Variants in VRK2 observed in about 807,000 individuals in gnomAD.
VRK2 encodes the protein serine/threonine-protein kinase VRK2.
In VRK2, 60 loss-of-function variants were observed where a neutral mutation model predicts 57.6. That is an observed-to-expected ratio of 1.04 (90% CI 0.85 to 1.29). The LOEUF (loss-of-function observed/expected upper bound fraction) is 1.29, where lower values mean the gene tolerates loss of function less well. VRK2 is among the 50% of genes most tolerant of loss of function. The probability of loss-of-function intolerance (pLI) is 0.00; values close to 1 mark genes in which losing one functional copy is unlikely to be tolerated. For synonymous variants in VRK2, 231 were observed against 199.2 expected, an observed-to-expected ratio of 1.16 and a Z score of -1.35; for missense variants, 705 against 588.1, an observed-to-expected ratio of 1.20 and a Z score of -2.06.
At chr2:57,923,346 A>G (rs1422500279) in intron 1 of VRK2, among the ~76,000 whole-genome samples, 7 of 152,006 alleles carry the variant, frequency 4.6e-5, no homozygotes, top group Non-Finnish European at 8.8e-5. Context: ...ACTCCCACCA[A>G]TACTGTATGA....
At chr2:58,123,698 C>CA (rs1677869235) in intron 8 of VRK2, among the ~76,000 whole-genome samples, 1 of 151,752 alleles carries the variant, frequency 6.6e-6, no homozygotes, top group South Asian at 2.1e-4. Flanking sequence ...CCCATCTCTA[C>CA]AAAAAAATAC....
intron 1 of VRK2, among the ~76,000 whole-genome samples, chr2:58,005,076 G>A (rs917186683): frequency 1.3e-5 from 2 of 152,096 alleles, no homozygotes; most frequent in Admixed American, 6.5e-5. Flanking sequence ...GAAGAAAGAA[G>A]GCTTGCAATT....
At chr2:58,155,071 A>G (rs929990480) in intron 12 of VRK2, among the ~76,000 whole-genome samples, 3 of 152,080 alleles carry the variant, frequency 2.0e-5, no homozygotes, top group African/African-American at 7.2e-5. Flanking sequence ...TGAATGTTCC[A>G]GTTGCAGTTG....
intron 3 of VRK2, among the ~76,000 whole-genome samples, chr2:58,035,962 G>A (rs886744409): frequency 4.1e-4 from 63 of 152,126 alleles, no homozygotes; most frequent in African/African-American, 1.2e-3. Context: ...CAGAACTTCC[G>A]TTACTAGTTA....
At chr2:58,138,294 A>T (rs1680833336) in intron 10 of VRK2, among the ~76,000 whole-genome samples, 2 of 152,326 alleles carry the variant, frequency 1.3e-5, no homozygotes, top group African/African-American at 4.8e-5. Context: ...GGCTGCATGA[A>T]GCATCAGTTA....
intron 7 of VRK2, among the ~76,000 whole-genome samples, chr2:58,109,082 T>C (rs754452690): frequency 1.3e-5 from 2 of 152,210 alleles, no homozygotes; most frequent in Non-Finnish European, 2.9e-5. Flanking sequence ...CTGTTTATTA[T>C]GCTTGGCACT....
intron 7 of VRK2, among the ~76,000 whole-genome samples, chr2:58,095,293 C>CAAAAAAAA (rs1231159019): frequency 4.1e-4 from 27 of 66,648 alleles, no homozygotes; most frequent in African/African-American, 1.4e-3. Context: ...GACTCCGTCT[C>CAAAAAAAA]AAAAAAAAAA....
intron 1 of VRK2, among the ~76,000 whole-genome samples, chr2:57,950,614 G>T (rs187849450): frequency 1.4e-3 from 216 of 152,310 alleles, no homozygotes; most frequent in African/African-American, 5.0e-3. Flanking sequence ...TTGTCTTCGT[G>T]CCTGCTAACA....
At position 58,084,825 on chromosome 2, in the gene VRK2, A is replaced by G. The variant is rs901658935; in HGVS notation, c.187-56A>G. 1.0e-5 allele frequency: 12 copies of G among 1,168,584 alleles called. No individual in the cohort carries two copies. In the South Asian group the frequency reaches 1.1e-4, roughly 11 times the overall value. 72.4% of individuals were successfully genotyped at this position (1,168,584 alleles called of 1,614,324 possible). ...TCATATTTTCACAGTTGAAATAACA[A>G]TTCCATCTTTGGGATTATTTTTTTC... On this transcript the variant is annotated intron_variant, in intron 3 of 12. Coordinates refer to ENST00000340157, the MANE Select transcript of VRK2 (RefSeq NM_006296.7).
intron 1 of VRK2, among the ~76,000 whole-genome samples, chr2:57,919,294 T>C (rs997522684): frequency 1.3e-4 from 20 of 152,106 alleles, no homozygotes; most frequent in South Asian, 2.1e-4. Context: ...TAAATGGAAA[T>C]ATATTTTATA....
chr2:58,080,152 T>C (rs1670653882), intron 2 of VRK2, among the ~76,000 whole-genome samples: 1 of 151,998 alleles, frequency 6.6e-6, no homozygotes. Flanking sequence ...AAACACATTT[T>C]AACTGCATTC....
intron 1 of VRK2, among the ~76,000 whole-genome samples, chr2:57,958,249 G>C (rs1671644761): frequency 6.6e-6 from 1 of 152,064 alleles, no homozygotes; most frequent in Admixed American, 6.6e-5. Flanking sequence ...CTTTTACTTA[G>C]ATTACTTAAA....
intron 7 of VRK2, among the ~76,000 whole-genome samples, chr2:58,095,691 C>T (rs888255348): frequency 6.6e-6 from 1 of 151,716 alleles, no homozygotes; most frequent in Non-Finnish European, 1.5e-5. Flanking sequence ...TCTTAGAAAA[C>T]TGTCATATGC....
intron 1 of VRK2, among the ~76,000 whole-genome samples, chr2:57,917,734 C>A (rs1198917619): frequency 6.6e-6 from 1 of 151,542 alleles, no homozygotes; most frequent in Non-Finnish European, 1.5e-5. Flanking sequence ...TATAGCTTTA[C>A]TTTAATGGTT....
chr2:58,052,784 G>C (rs1675949849), intron 2 of VRK2, among the ~76,000 whole-genome samples: 2 of 152,142 alleles, frequency 1.3e-5, no homozygotes, highest in South Asian at 4.2e-4. Flanking sequence ...ACTGATAAAA[G>C]CTCCCCCTAA....
chr2:57,975,748 TTC>T lies in VRK2; in HGVS notation c.-438-49907_-438-49906del, dbSNP rs748416584. 5.1e-4 allele frequency among the ~76,000 whole-genome samples: 77 copies of T among 151,984 alleles called. No individual in the cohort carries two copies. The East Asian group carries it at 0.015, about 29-fold the overall frequency. On this transcript the variant is annotated intron_variant, in intron 1 of 15. Coordinates refer to the VRK2 transcript ENST00000417641. ...AAGTGAGAACATGCCATATTTGGTT[TTC>T]TCTCTCTCTTTTTTTTTTTTACTTT...
intron 1 of VRK2, among the ~76,000 whole-genome samples, chr2:57,947,078 A>G (rs1470746931): frequency 6.6e-6 from 1 of 152,200 alleles, no homozygotes; most frequent in Non-Finnish European, 1.5e-5. Flanking sequence ...GTTAAAGTAA[A>G]TTCTTTGAAA....
rs1572876411 is a variant in VRK2 at position 57,932,844 on chromosome 2, C to A, written c.-439+25005C>A. 2.0e-5 allele frequency among the ~76,000 whole-genome samples: 3 copies of A among 152,218 alleles called. No homozygotes were observed. In the Middle Eastern group the frequency reaches 0.01, roughly 518 times the overall value. Reference sequence around the variant, plus strand: ...ATTTAACGTTATAAACCTCCCTTAGCACTGCTTTTGCTGCATTCCATAATT... The same window carrying A: ...ATTTAACGTTATAAACCTCCCTTAGAACTGCTTTTGCTGCATTCCATAATT... On this transcript the variant is annotated intron_variant, in intron 1 of 15. Coordinates refer to the VRK2 transcript ENST00000417641.
chr2:57,923,734 G>C (rs921420505), intron 1 of VRK2, among the ~76,000 whole-genome samples: 5 of 151,664 alleles, frequency 3.3e-5, no homozygotes, highest in Non-Finnish European at 7.4e-5. Flanking sequence ...TTAGTTAGTT[G>C]TGATCCCGTT....
Sources: allele counts gnomAD v4.1 joint callset (sites outside exome capture counted in the v4.1 genomes callset), GRCh38; gene constraint gnomAD v4.1.1; transcripts MANE v1.5; gene names NCBI Gene and HGNC (gene_info 2026-07-23, HGNC 2026-07-21).